Variants in CLN3 observed in about 807,000 individuals in gnomAD.
CLN3 encodes the protein battenin.
In CLN3, 49 loss-of-function variants were observed where a neutral mutation model predicts 60.7. That is an observed-to-expected ratio of 0.81 (90% confidence interval 0.64 to 1.02). CLN3 has a LOEUF of 1.02. CLN3 is among the 50% of genes least tolerant of loss of function. CLN3 has a pLI of 0.00. For synonymous variants in CLN3, 256 were observed against 245.8 expected, an observed-to-expected ratio of 1.04 and a Z score of -0.39; for missense variants, 516 against 557.4, an observed-to-expected ratio of 0.93 and a Z score of 0.75.
chr16:28,479,238 C>T (rs1168397798), intron 14 of CLN3, among the ~76,000 whole-genome samples: 1 of 152,198 alleles, frequency 6.6e-6, no homozygotes, highest in East Asian at 1.9e-4. Flanking sequence ...GGGGCTTACC[C>T]TAGAGGTCCT....
In CLN3 at chr16:28,491,470, C is replaced by G. The variant is rs749570350; in HGVS notation, c.125+12G>C. 1 of 1,612,774 alleles carries G rather than the reference C, an allele frequency of 6.2e-7. No homozygotes were observed. The highest frequency in any genetic ancestry group is 8.5e-7 in the Non-Finnish European group (1 of 1,179,906). ...ATGCCATTGTCACTCGCTGAAGTCT[C>G]AGGCCACTCACCAGAAGCCCACCGC... On this transcript the variant is annotated intron_variant, in intron 3 of 15. Coordinates refer to ENST00000636147, the MANE Select transcript of CLN3 (RefSeq NM_001042432.2).
In CLN3 at chr16:28,488,650, G is replaced by T; in HGVS notation, c.235C>A (p.Pro79Thr). The T allele has an allele frequency of 6.2e-7, 1 of 1,614,142 alleles. No individual in the cohort carries two copies. The highest frequency in any genetic ancestry group is 8.5e-7 in the Non-Finnish European group (1 of 1,179,988). ...GAGCTGTTGTGGGGGATCGGCGTTGGGCCTGGGTCCACCTAATGGGAGAAA... is the reference window on the plus strand; with the variant it reads ...GAGCTGTTGTGGGGGATCGGCGTTGTGCCTGGGTCCACCTAATGGGAGAAA... ...SGNQSHVDPG[P>T]TPIPHNSSSR... The change falls in exon 5 of 16, where the codon CCA becomes ACA. Residue 79 changes from proline (P) to threonine (T), a missense_variant. By Grantham distance (38) the Pro-to-Thr change is conservative. Transcript: ENST00000636147.
rs747526330 is a variant in CLN3, at chr16:28,489,303, C to T, written c.209G>A (p.Gly70Glu). Residue 70 changes from glycine (G) to glutamate (E), a missense_variant, in exon 4 of 16, where the codon GGA becomes GAA. Gly to Glu is a moderately conservative substitution (Grantham distance 98). Coordinates refer to ENST00000636147, the MANE Select transcript of CLN3 (RefSeq NM_001042432.2). ...AGAGTCACTTACATGGCTCTGGTTT[C>T]CCGATGTCCTCTTGTGGCTAAGGAT... ...HDILSHKRTS[G>E]NQSHVDPGPT... 8 of 1,612,636 alleles carry T rather than the reference C, an allele frequency of 5.0e-6. No homozygotes were observed. The highest frequency in any genetic ancestry group is 6.8e-6 in the Non-Finnish European group (8 of 1,179,404).
intron 1 of CLN3, 78 bp from the exon 2 acceptor site, chr16:28,491,913 C>A: frequency 1.0e-6 from 1 of 997,542 alleles, no homozygotes; most frequent in Non-Finnish European, 1.5e-6. Context: ...GCCCCGCGAT[C>A]CATCAAGGAA....
At chr16:28,490,621 G>A (rs1402338521) in intron 3 of CLN3, among the ~76,000 whole-genome samples, 2 of 151,316 alleles carry the variant, frequency 1.3e-5, no homozygotes, top group Admixed American at 6.6e-5. Context: ...ATAGCCGGGC[G>A]TGGTGGCAGG....
intron 7 of CLN3, 146 bp downstream of exon 7, chr16:28,487,310 C>T (rs1201455211): frequency 4.1e-6 from 3 of 730,984 alleles, no homozygotes; most frequent in Non-Finnish European, 7.5e-6. Context: ...TCCCAGTCTC[C>T]CATCGCCTAC....
At position 28,477,985 on chromosome 16, in the gene CLN3, G is replaced by A. The variant is rs576204723; in HGVS notation, c.1057-108C>T. On this transcript the variant is annotated intron_variant, in intron 14 of 15. Transcript: ENST00000636147. ...TTTAGGAGTTACTGGTGAAGGAGAG[G>A]GCTGCCAGGTCTAGATAAAATCTCA... is the stretch of plus-strand genomic sequence containing the variant. 4,767 of 1,292,942 alleles carry A rather than the reference G, an allele frequency of 3.7e-3. 18 individuals carry two copies. The highest frequency in any genetic ancestry group is 4.6e-3 in the Non-Finnish European group (4,210 of 917,166). 80.1% of individuals were successfully genotyped at this position (1,292,942 alleles called of 1,614,324 possible).
At position 28,482,385 on chromosome 16, in the gene CLN3, G is replaced by A. The variant is rs764357870; in HGVS notation, c.907-3C>T. ...TTCCAGAAAAAGAGGAGTTCAAACT[G>A]CAACAAATACCAGACAGGGGAGATG... On this transcript the variant is annotated splice_polypyrimidine_tract_variant and splice_region_variant and intron_variant, in intron 12 of 15. Transcript: ENST00000636147. The A allele has an allele frequency of 1.9e-6, 3 of 1,613,856 alleles. No individual in the cohort carries two copies. The highest frequency in any genetic ancestry group is 1.7e-5 in the Admixed American group (1 of 59,998).
At chr16:28,472,357 C>G (rs1436648299), downstream of CLN3, among the ~76,000 whole-genome samples, 1 of 151,646 alleles carries the variant, frequency 6.6e-6, no homozygotes, top group Non-Finnish European at 1.5e-5. Context: ...CCACTTCACT[C>G]CATCCTGGGT....
downstream of CLN3, among the ~76,000 whole-genome samples, chr16:28,472,345 C>T (rs544532467): frequency 4.3e-4 from 65 of 151,784 alleles, no homozygotes; most frequent in African/African-American, 1.4e-3. Context: ...GCTATGATCA[C>T]GCCACTTCAC....
intron 3 of CLN3, among the ~76,000 whole-genome samples, chr16:28,490,155 T>C (rs1020687277): frequency 6.6e-6 from 1 of 150,974 alleles, no homozygotes; most frequent in African/African-American, 2.4e-5. Context: ...AAAGCCCCTA[T>C]GTCAGGGCGG....
intron 10 of CLN3, among the ~76,000 whole-genome samples, chr16:28,483,030 G>T (rs995503931): frequency 6.6e-6 from 1 of 151,766 alleles, no homozygotes; most frequent in African/African-American, 2.4e-5. Flanking sequence ...CTTGAACCCA[G>T]GAGGCAGAGG....
Position 28,487,488 on chromosome 16 carries a change from G to T in CLN3, c.428C>A (p.Ala143Asp). 1 of 1,614,040 alleles carries T rather than the reference G, an allele frequency of 6.2e-7. No homozygotes were observed. Among genetic ancestry groups the T allele is most frequent in the Non-Finnish European group, 8.5e-7 (1 of 1,180,024 alleles). ...GCTGGTCCCCACAGAATGAGAAAAG[G>T]CAACCAGGACGAAGCTTCCAGCAGC... The part of the protein sequence containing the change: ...ICAAGSFVLV[A>D]FSHSVGTSLC... Residue 143 changes from alanine to aspartate, a missense_variant, in exon 7 of 16, where the codon GCC (alanine) becomes GAC (aspartate). Physicochemically the swap from Ala to Asp is moderately radical, Grantham distance 126. Coordinates refer to ENST00000636147, the MANE Select transcript of CLN3 (RefSeq NM_001042432.2).
intron 14 of CLN3, among the ~76,000 whole-genome samples, chr16:28,481,462 A>ACG (rs1205850800): frequency 1.7e-4 from 26 of 148,910 alleles, no homozygotes; most frequent in Admixed American, 2.7e-4. Context: ...ACGCACACAC[A>ACG]CACACACACA....
intron 1 of CLN3, 34 bp downstream of exon 1, chr16:28,491,986 G>A (rs574173550): frequency 4.0e-5 from 25 of 625,238 alleles, no homozygotes; most frequent in Non-Finnish European, 7.1e-5. Flanking sequence ...ACTCTCCCCC[G>A]CCCCGTCTAC....
downstream of CLN3, chr16:28,476,362 G>T (rs559483222): frequency 1.4e-5 from 2 of 147,444 alleles, no homozygotes; most frequent in Non-Finnish European, 3.0e-5. Flanking sequence ...GGGTAACATA[G>T]GAAGATCGCG....
chr16:28,467,566 GTTTT>G, the CLN3 span, among the ~76,000 whole-genome samples: 1 of 135,190 alleles, frequency 7.4e-6, no homozygotes, highest in Non-Finnish European at 1.6e-5. Context: ...ATTTTTTTTT[GTTTT>G]TGTTTTTGTT....
At chr16:28,469,791 C>G (rs972704253), downstream of CLN3, 2 of 353,144 alleles carry the variant, frequency 5.7e-6, no homozygotes, top group African/African-American at 2.2e-5. Context: ...TGGAGACTAT[C>G]CTGGCGAACA....
rs574682031 is a variant in CLN3 at position 28,483,937 on chromosome 16, A to G, written c.790+69T>C. ...TCTCTTTCCCCTCTTAACTTTGCCT[A>G]TTGCAGAGAGGAAAAGGCCAAACCC... On this transcript the variant is annotated intron_variant, in intron 10 of 15. Transcript: ENST00000636147. The G allele has an allele frequency of 1.3e-3, 1,449 of 1,088,788 alleles. 5 individuals carry two copies. Among genetic ancestry groups the G allele is most frequent in the South Asian group, 1.7e-3 (126 of 74,896 alleles). 67.4% of individuals were successfully genotyped at this position (1,088,788 alleles called of 1,614,324 possible). A position where few individuals can be genotyped will look rare whatever the true frequency, so the allele number is the denominator to read the frequency against.
Sources: gnomAD v4.1 joint callset for allele counts (sites outside exome capture counted in the v4.1 genomes callset) on GRCh38, gnomAD v4.1.1 for gene constraint, MANE v1.5 for transcripts, NCBI Gene and HGNC (gene_info 2026-07-23, HGNC 2026-07-21) for gene names.